The following SYT6 variants were observed in gnomAD, a reference collection of about 807,000 sequenced individuals.
The protein encoded by SYT6 is synaptotagmin 6.
In SYT6, 24 loss-of-function variants were observed where a neutral mutation model predicts 38.4. The ratio of observed to expected loss-of-function variants is 0.62; its 90% CI spans 0.45 to 0.88. The LOEUF is 0.88. SYT6 is among the 40% of genes least tolerant of loss of function. The pLI, the probability that SYT6 is intolerant of heterozygous loss-of-function variation, is 0.00. For missense variants in SYT6, 611 were observed against 621.0 expected, an observed-to-expected ratio of 0.98 and a Z score of 0.17; for synonymous variants, 265 against 241.9, an observed-to-expected ratio of 1.10 and a Z score of -0.89.
intron 4 of SYT6, among the ~76,000 whole-genome samples, chr1:114,099,874 C>T (rs1675859231): frequency 6.6e-6 from 1 of 152,120 alleles, no homozygotes; most frequent in African/African-American, 2.4e-5. Context: ...TTCCATTTGG[C>T]ATCTAGAAGG....
chr1:114,095,817 C>T (rs553327812), intron 6 of SYT6, among the ~76,000 whole-genome samples: 43 of 152,262 alleles, frequency 2.8e-4, no homozygotes, highest in African/African-American at 1.0e-3. Context: ...CCCGCTACCA[C>T]ACCTGGCTAA....
chr1:114,092,130 A>T, intron 7 of SYT6, 48 bp from the exon 8 acceptor site: 1 of 1,517,918 alleles, frequency 6.6e-7, no homozygotes, highest in Non-Finnish European at 8.8e-7. Flanking sequence ...AGGAATTTAC[A>T]TTTCAACTTG....
rs1307947819 is a variant in SYT6, at chr1:114,091,345, C to T, written c.*789G>A. 1 of 152,490 alleles carries T rather than the reference C, an allele frequency of 6.6e-6. No individual in the cohort carries two copies. Among genetic ancestry groups the T allele is most frequent in the Non-Finnish European group, 1.5e-5 (1 of 68,042 alleles). The allele number at this position is 152,490 out of a possible 1,614,324, so 9.4% of individuals were successfully genotyped here. On this transcript the variant is annotated 3_prime_UTR_variant, in exon 8 of 8. Coordinates refer to ENST00000610222, the MANE Select transcript of SYT6 (RefSeq NM_001253772.2). ...ACTGAATCATTCCTAAAGAAAGTGA[C>T]TAAGTTCCCATGAGGAATCAAGACG... is the stretch of plus-strand genomic sequence containing the variant.
intron 3 of SYT6, among the ~76,000 whole-genome samples, chr1:114,129,608 CTTT>C (rs1295333682): frequency 3.4e-3 from 261 of 76,174 alleles, no homozygotes; most frequent in Admixed American, 8.2e-3. Flanking sequence ...TTCTTTCTTT[CTTT>C]CTTTCCTTTC....
chr1:114,142,549 A>G (rs1678920883), intron 1 of SYT6, among the ~76,000 whole-genome samples: 1 of 152,252 alleles, frequency 6.6e-6, no homozygotes, highest in South Asian at 2.1e-4. Context: ...CTTAGTTGAT[A>G]AAGCAGTGGC....
At chr1:114,107,123 A>C (rs1042196611) in intron 3 of SYT6, among the ~76,000 whole-genome samples, 1 of 152,186 alleles carries the variant, frequency 6.6e-6, no homozygotes, top group Admixed American at 6.5e-5. Context: ...AGTCCTACAG[A>C]TGCGGAGTTG....
In SYT6 at chr1:114,089,667, G is replaced by A. The variant is rs1197019530; in HGVS notation, c.*2467C>T. ...GGGCTAGATAATGAAGTTGGCAGAT[G>A]TTCAGGTTTCATTCATGATTCAGGC... On this transcript the variant is annotated 3_prime_UTR_variant, in exon 8 of 8. Transcript: ENST00000610222. The A allele has an allele frequency of 6.6e-6, 1 of 152,360 alleles. No homozygotes were observed. Among genetic ancestry groups the A allele is most frequent in the African/African-American group, 2.4e-5 (1 of 41,456 alleles). The allele number at this position is 152,360 out of a possible 1,614,324, so 9.4% of individuals were successfully genotyped here. A position where few individuals can be genotyped will look rare whatever the true frequency, so the allele number is the denominator to read the frequency against.
intron 4 of SYT6, among the ~76,000 whole-genome samples, chr1:114,102,660 C>A (rs1272122168): frequency 6.6e-6 from 1 of 152,146 alleles, no homozygotes; most frequent in African/African-American, 2.4e-5. Context: ...AGTTCAGAAG[C>A]ACCTCCTGAG....
At chr1:114,109,275 C>A (rs1676527926) in intron 3 of SYT6, among the ~76,000 whole-genome samples, 1 of 152,208 alleles carries the variant, frequency 6.6e-6, no homozygotes, top group Non-Finnish European at 1.5e-5. Flanking sequence ...AGATTGTATG[C>A]TCTTTGAAGG....
intron 3 of SYT6, among the ~76,000 whole-genome samples, chr1:114,123,216 A>G (rs745933035): frequency 5.4e-4 from 82 of 152,324 alleles, no homozygotes; most frequent in Non-Finnish European, 1.0e-3. Flanking sequence ...CAAGTCACAA[A>G]GCTAGCCCTG....
intron 3 of SYT6, among the ~76,000 whole-genome samples, chr1:114,135,106 C>T (rs1261779636): frequency 6.6e-6 from 1 of 152,018 alleles, no homozygotes; most frequent in Non-Finnish European, 1.5e-5. Flanking sequence ...GAAGGAACAT[C>T]CAGCTCAGAC....
rs1678940547 is a variant in SYT6, at chr1:114,142,913, C to T, written c.164-2950G>A. Among the ~76,000 whole-genome samples, 2 of 151,984 alleles carry T rather than the reference C, an allele frequency of 1.3e-5. 1 individual carries two copies. The highest frequency in any genetic ancestry group is 1.3e-4 in the Admixed American group (2 of 15,258). On this transcript the variant is annotated intron_variant, in intron 1 of 7. Coordinates refer to ENST00000610222, the MANE Select transcript of SYT6 (RefSeq NM_001253772.2). The stretch of plus-strand genomic sequence containing the variant: ...GTAATTTTATTGCACACTTAATAGG[C>T]TACAGTATATTTTACACTGTATATG...
chr1:114,097,860 A>G lies in SYT6; in HGVS notation c.1382T>C (p.Ile461Thr), dbSNP rs555279971. 1 of 1,614,106 alleles carries G rather than the reference A, an allele frequency of 6.2e-7. No individual in the cohort carries two copies. Among genetic ancestry groups the G allele is most frequent in the African/African-American group, 1.3e-5 (1 of 75,006 alleles). The change falls in exon 6 of 8, where the codon ATC becomes ACC. Residue 461 changes from isoleucine (I) to threonine (T), a missense_variant. Coordinates refer to ENST00000610222, the MANE Select transcript of SYT6 (RefSeq NM_001253772.2). ...GATCCCCACACGACAGACTCCTATG[A>G]TCTCATTGTGGCCCACTCTGAGGGA... ...MDYDRVGHNE[I>T]IGVCRVGITA... is the part of the protein sequence containing the mutation.
At chr1:114,114,366 T>C (rs747661144) in intron 3 of SYT6, among the ~76,000 whole-genome samples, 1 of 152,220 alleles carries the variant, frequency 6.6e-6, no homozygotes, top group Non-Finnish European at 1.5e-5. Flanking sequence ...GTATAACAGA[T>C]GCTGACAAGT....
intron 3 of SYT6, among the ~76,000 whole-genome samples, chr1:114,126,247 G>T (rs1677726853): frequency 1.3e-5 from 2 of 152,140 alleles, no homozygotes; most frequent in African/African-American, 4.8e-5. Flanking sequence ...CATCTCCGAG[G>T]CTCTTTCTAG....
chr1:114,128,722 C>T (rs1185529389), intron 3 of SYT6, among the ~76,000 whole-genome samples: 1 of 152,230 alleles, frequency 6.6e-6, no homozygotes, highest in Non-Finnish European at 1.5e-5. Flanking sequence ...CCTCTGGAAA[C>T]ACTTCCTTTG....
chr1:114,119,502 C>G (rs897253940), intron 3 of SYT6, among the ~76,000 whole-genome samples: 1 of 152,236 alleles, frequency 6.6e-6, no homozygotes, highest in Non-Finnish European at 1.5e-5. Context: ...TGTGTGAATT[C>G]TCTTCTTTAA....
At chr1:114,094,188 T>G (rs144644805) in intron 6 of SYT6, among the ~76,000 whole-genome samples, 2 of 152,248 alleles carry the variant, frequency 1.3e-5, no homozygotes, top group African/African-American at 4.8e-5. Context: ...TGAGTTTTCC[T>G]ATGAAGATAA....
intron 3 of SYT6, among the ~76,000 whole-genome samples, chr1:114,126,872 A>T (rs941162524): frequency 2.6e-5 from 4 of 152,184 alleles, no homozygotes; most frequent in African/African-American, 9.7e-5. Context: ...CGTACCCTAC[A>T]GGAAGCTGGC....
Sources: allele counts gnomAD v4.1 joint callset (sites outside exome capture counted in the v4.1 genomes callset), GRCh38; gene constraint gnomAD v4.1.1; transcripts MANE v1.5; gene names NCBI Gene and HGNC (gene_info 2026-07-23, HGNC 2026-07-21).